The following SPIRE2 variants were observed in gnomAD, a reference collection of about 807,000 sequenced individuals.
The protein encoded by SPIRE2 is spire type actin nucleation factor 2, also known as protein spire homolog 2.
SPIRE2 carries 76 observed loss-of-function variants against 80.7 expected under a neutral mutation model. That is an observed-to-expected ratio of 0.94 (90% confidence interval 0.78 to 1.14). The LOEUF is 1.14. Among genes scored for constraint, SPIRE2 ranks in the 50% most tolerant of loss-of-function variants. The pLI is 0.00. For synonymous variants in SPIRE2, 535 were observed against 432.6 expected, an observed-to-expected ratio of 1.24 and a Z score of -2.94; for missense variants, 1,196 against 1,015.3, an observed-to-expected ratio of 1.18 and a Z score of -2.42.
intron 1 of SPIRE2, among the ~76,000 whole-genome samples, chr16:89,832,278 TGCCG>T (rs1430156715): frequency 2.6e-5 from 4 of 152,256 alleles, no homozygotes; most frequent in African/African-American, 9.6e-5. Flanking sequence ...CTGCCTGTTC[TGCCG>T]CTGGATCTGG....
chr16:89,844,530 C>G (rs2041538804), intron 1 of SPIRE2, among the ~76,000 whole-genome samples: 1 of 151,862 alleles, frequency 6.6e-6, no homozygotes, highest in African/African-American at 2.4e-5. Flanking sequence ...GCTCTGCCTC[C>G]TGGGTTCACG....
intron 14 of SPIRE2, 77 bp downstream of exon 14, chr16:89,869,759 G>T: frequency 8.7e-7 from 1 of 1,142,986 alleles, no homozygotes. Flanking sequence ...GGGTGGAGGG[G>T]GCTGGCTTTG....
intron 1 of SPIRE2, among the ~76,000 whole-genome samples, chr16:89,834,087 C>T (rs62054258): frequency 0.066 from 10,051 of 151,162 alleles, 465 homozygotes; most frequent in East Asian, 0.24. Flanking sequence ...AACCTGCCTG[C>T]GCTCGCGGTT....
chr16:89,845,949 T>C, intron 2 of SPIRE2: 1 of 317,838 alleles, frequency 3.1e-6, no homozygotes, highest in Non-Finnish European at 5.8e-6. Context: ...CAGGCTGGAG[T>C]GCAGTGGTGT....
Position 89,854,370 on chromosome 16 carries a change from A to G in SPIRE2, c.726+4A>G. The G allele has an allele frequency of 6.2e-7, 1 of 1,612,202 alleles. No individual in the cohort carries two copies. Among genetic ancestry groups the G allele is most frequent in the East Asian group, 2.2e-5 (1 of 44,866 alleles). ...CAGCCTGGGTCACACAGACTGGGTAAGGCTCACTCCCACCTGACCGGGCCA... is the reference window on the plus strand; with the variant it reads ...CAGCCTGGGTCACACAGACTGGGTAGGGCTCACTCCCACCTGACCGGGCCA... On this transcript the variant is annotated splice_donor_region_variant and intron_variant, in intron 4 of 14. Coordinates refer to ENST00000378247, the MANE Select transcript of SPIRE2 (RefSeq NM_032451.2).
intron 2 of SPIRE2, among the ~76,000 whole-genome samples, chr16:89,848,792 G>C (rs1363732311): frequency 1.3e-5 from 2 of 150,334 alleles, no homozygotes; most frequent in Non-Finnish European, 3.0e-5. Context: ...ACCTTCTGTG[G>C]TGTTTCTGCA....
chr16:89,832,761 G>A (rs948616085), intron 1 of SPIRE2, among the ~76,000 whole-genome samples: 3 of 152,124 alleles, frequency 2.0e-5, no homozygotes, highest in African/African-American at 7.2e-5. Flanking sequence ...TTGCAGAGCC[G>A]GGCTGAGCAG....
rs946684209 is a variant in SPIRE2, at chr16:89,828,731, G to T, written c.181G>T (p.Asp61Tyr). Residue 61 changes from aspartate (D) to tyrosine (Y), a missense_variant, in exon 1 of 15, where the codon GAT (aspartate) becomes TAT (tyrosine). Physicochemically the swap from Asp to Tyr is radical, Grantham distance 160. Coordinates refer to ENST00000378247, the MANE Select transcript of SPIRE2 (RefSeq NM_032451.2). This position sits in a 1 kb window ranked among gnomAD's most constrained non-coding sequence, Gnocchi z 5.9. ...LRGSPGRRLR[D>Y]TGDLLLRGDG... ...GGGCTCGCCGGGCCGGCGCCTGCGG[G>T]ATACCGGGGACCTCCTGCTGCGCGG... The T allele has an allele frequency of 1.6e-5, 20 of 1,242,000 alleles. No individual in the cohort carries two copies. Among genetic ancestry groups the T allele is most frequent in the Non-Finnish European group, 2.0e-5 (20 of 989,830 alleles). 76.9% of individuals were successfully genotyped at this position (1,242,000 alleles called of 1,614,324 possible).
chr16:89,831,493 G>A (rs1250626838), intron 1 of SPIRE2, among the ~76,000 whole-genome samples: 3 of 149,036 alleles, frequency 2.0e-5, no homozygotes, highest in African/African-American at 7.4e-5. Context: ...CGCCTACTGG[G>A]TTCACGCCAT....
chr16:89,868,060 G>C (rs2041805286), intron 12 of SPIRE2, 129 bp from the exon 13 acceptor site: 1 of 1,001,532 alleles, frequency 1.0e-6, no homozygotes, highest in Non-Finnish European at 1.6e-6. Context: ...AAGTACTGAA[G>C]TAACCAAGCA....
intron 12 of SPIRE2, among the ~76,000 whole-genome samples, chr16:89,866,598 A>AG (rs1567679070): frequency 9.4e-4 from 111 of 117,502 alleles, no homozygotes; most frequent in East Asian, 2.5e-3. Flanking sequence ...CCCAGCCTTG[A>AG]ATTTTTTTTT....
intron 3 of SPIRE2, among the ~76,000 whole-genome samples, chr16:89,853,092 A>G (rs2041652143): frequency 1.3e-5 from 2 of 152,102 alleles, no homozygotes; most frequent in Admixed American, 1.3e-4. Flanking sequence ...GTTCCCCACA[A>G]TTAGCAGACG....
At position 89,854,309 on chromosome 16, in the gene SPIRE2, C is replaced by G. The variant is rs12921652; in HGVS notation, c.669C>G (p.Asp223Glu). Reference sequence around the variant, plus strand: ...AGATGCTGCAGAAGCTTCGGGAGGACGAGCCGCATCTGGAGACGCCTCGGG... The same window carrying G: ...AGATGCTGCAGAAGCTTCGGGAGGAGGAGCCGCATCTGGAGACGCCTCGGG... Reference protein sequence around the residue: ...AKEMLQKLREDEPHLETPRAE... With the variant: ...AKEMLQKLREEEPHLETPRAE... Residue 223 changes from aspartate (D) to glutamate (E), a missense_variant, in exon 4 of 15, where the codon GAC (aspartate) becomes GAG (glutamate). Coordinates refer to ENST00000378247, the MANE Select transcript of SPIRE2 (RefSeq NM_032451.2). The G allele has an allele frequency of 1.2e-6, 2 of 1,611,422 alleles. No homozygotes were observed.
At position 89,870,123 on chromosome 16, in the gene SPIRE2, A is replaced by G; in HGVS notation, c.1996A>G (p.Lys666Glu). Reference sequence around the variant, plus strand: ...CATCTACTCCCACGGCTGTGTCCTGAAGGATGTCTGCAGTGAGTGCACCAG... The same window carrying G: ...CATCTACTCCCACGGCTGTGTCCTGGAGGATGTCTGCAGTGAGTGCACCAG... Reference protein sequence around the residue: ...PHIYSHGCVLKDVCSECTSFV... With the variant: ...PHIYSHGCVLEDVCSECTSFV... The change falls in exon 15 of 15, where the codon AAG (lysine) becomes GAG (glutamate). Residue 666 changes from lysine (K) to glutamate (E), a missense_variant. Physicochemically the swap from Lys to Glu is moderately conservative, Grantham distance 56. Coordinates refer to ENST00000378247, the MANE Select transcript of SPIRE2 (RefSeq NM_032451.2). The G allele has an allele frequency of 6.2e-7, 1 of 1,613,396 alleles. No homozygotes were observed. The highest frequency in any genetic ancestry group is 8.5e-7 in the Non-Finnish European group (1 of 1,179,776).
At chr16:89,853,602 C>T (rs560009608) in intron 3 of SPIRE2, among the ~76,000 whole-genome samples, 2 of 152,168 alleles carry the variant, frequency 1.3e-5, no homozygotes, top group African/African-American at 4.8e-5. Context: ...TACCTGGGGC[C>T]GAAGCCAGGG....
intron 1 of SPIRE2, 27 bp from the exon 2 acceptor site, chr16:89,845,295 A>G (rs1567671831): frequency 2.5e-6 from 4 of 1,613,240 alleles, no homozygotes; most frequent in Non-Finnish European, 2.5e-6. Flanking sequence ...ATGCTGACAA[A>G]TAACTTAACT....
chr16:89,860,648 C>A, intron 9 of SPIRE2, 35 bp from the exon 10 acceptor site: 1 of 1,410,520 alleles, frequency 7.1e-7, no homozygotes, highest in Non-Finnish European at 9.8e-7. Flanking sequence ...CAGCTCCTGC[C>A]AGGCAGTCCT....
chr16:89,843,994 C>T (rs2041532902), intron 1 of SPIRE2, among the ~76,000 whole-genome samples: 1 of 148,474 alleles, frequency 6.7e-6, no homozygotes, highest in Admixed American at 6.7e-5. Flanking sequence ...AGCTGCCGTG[C>T]CTGGCCTTTT....
chr16:89,843,666 CGTTTTTTTTTTTTTGTTTGTTTTT>C (rs1303879403), intron 1 of SPIRE2, among the ~76,000 whole-genome samples: 10 of 47,312 alleles, frequency 2.1e-4, no homozygotes, highest in Non-Finnish European at 2.5e-4. Context: ...CTTGCTGCCA[CGTTTTTTTTTTTTTGTTTGTTTTT>C]GTTTTTTGTT....
Sources: gnomAD v4.1 joint callset for allele counts (sites outside exome capture counted in the v4.1 genomes callset) on GRCh38, gnomAD v4.1.1 for gene constraint, Gnocchi (gnomAD v3.1) non-coding constraint, MANE v1.5 for transcripts, NCBI Gene and HGNC (gene_info 2026-07-23, HGNC 2026-07-21) for gene names.